SEMA6D: variants seen among roughly 807,000 people sequenced by gnomAD.
The protein encoded by SEMA6D is semaphorin-6D.
SEMA6D carries 35 observed loss-of-function variants against 106.6 expected under a neutral mutation model. The ratio of observed to expected loss-of-function variants is 0.33; its 90% CI spans 0.25 to 0.44. The LOEUF (loss-of-function observed/expected upper bound fraction) is 0.44. Ranked by LOEUF, SEMA6D falls within the 20% of genes least tolerant of loss-of-function variation. The pLI is 1.00. For missense variants in SEMA6D, 1,185 were observed against 1,345.9 expected (o/e 0.88, Z 1.87); for synonymous variants, 499 against 487.7 (o/e 1.02, Z -0.31).
intron 1 of SEMA6D, among the ~76,000 whole-genome samples, chr15:47,751,561 T>C (rs546157708): frequency 2.5e-4 from 38 of 152,140 alleles, no homozygotes; most frequent in Non-Finnish European, 5.1e-4. Flanking sequence ...CCACCCCCTC[T>C]TCTTCCTTTA....
At chr15:47,650,822 C>G (rs139497916) in intron 4 of SEMA6D, among the ~76,000 whole-genome samples, 1,607 of 152,232 alleles carry the variant, frequency 0.011, 18 homozygotes, top group South Asian at 0.045. Flanking sequence ...TCATACTACC[C>G]CACTGAGAAA....
chr15:47,381,406 A>G (rs1477804689), intron 1 of SEMA6D, among the ~76,000 whole-genome samples: 1 of 152,174 alleles, frequency 6.6e-6, no homozygotes, highest in East Asian at 1.9e-4. Context: ...AATCTATGGG[A>G]TCTTTCTTAC....
chr15:47,189,713 C>G (rs1268935018), intron 1 of SEMA6D, among the ~76,000 whole-genome samples: 1 of 152,128 alleles, frequency 6.6e-6, no homozygotes, highest in African/African-American at 2.4e-5. Context: ...AAAATAGCTT[C>G]AAGTCTAAAA....
At chr15:47,395,773 CG>C (rs2040194405) in intron 1 of SEMA6D, 1 of 152,208 alleles carries the variant, frequency 6.6e-6, no homozygotes, top group Non-Finnish European at 1.5e-5. Flanking sequence ...GCAGTAGGTT[CG>C]TATACCTAGC....
chr15:47,494,722 A>G (rs1170577322), intron 3 of SEMA6D, among the ~76,000 whole-genome samples: 3 of 131,960 alleles, frequency 2.3e-5, no homozygotes, highest in Admixed American at 7.8e-5. Flanking sequence ...ACATTTAAAA[A>G]TCTGGAGAGT....
intron 1 of SEMA6D, among the ~76,000 whole-genome samples, chr15:47,224,714 A>G (rs2031505278): frequency 6.6e-6 from 1 of 152,096 alleles, no homozygotes; most frequent in African/African-American, 2.4e-5. Flanking sequence ...CTTCACATCA[A>G]TGACAGTTAT....
intron 3 of SEMA6D, among the ~76,000 whole-genome samples, chr15:47,531,540 T>C (rs1304314021): frequency 6.6e-6 from 1 of 152,268 alleles, no homozygotes; most frequent in East Asian, 1.9e-4. Flanking sequence ...AGGCACTGTA[T>C]ATATGTGGAT....
intron 3 of SEMA6D, among the ~76,000 whole-genome samples, chr15:47,569,918 G>A (rs1465101476): frequency 4.6e-5 from 7 of 151,814 alleles, no homozygotes; most frequent in African/African-American, 9.7e-5. Context: ...AAAATTAGAC[G>A]GGCGTGGTGG....
intron 1 of SEMA6D, among the ~76,000 whole-genome samples, chr15:47,370,467 A>C (rs1365040729): frequency 6.6e-6 from 1 of 152,222 alleles, no homozygotes; most frequent in East Asian, 1.9e-4. Context: ...GTGAGCCGAC[A>C]TCGAGCCACT....
chr15:47,347,331 C>A (rs1176724570), intron 1 of SEMA6D, among the ~76,000 whole-genome samples: 2 of 152,198 alleles, frequency 1.3e-5, no homozygotes, highest in Admixed American at 6.5e-5. Context: ...ATACTTCCAA[C>A]AAATGGACAC....
intron 1 of SEMA6D, among the ~76,000 whole-genome samples, chr15:47,401,425 A>G (rs1485561898): frequency 6.6e-6 from 1 of 152,188 alleles, no homozygotes; most frequent in Non-Finnish European, 1.5e-5. Flanking sequence ...TGGGATTTAA[A>G]GAGCTCTTTA....
At chr15:47,725,382 A>G (rs1007260082) in intron 1 of SEMA6D, among the ~76,000 whole-genome samples, 2 of 152,166 alleles carry the variant, frequency 1.3e-5, no homozygotes, top group African/African-American at 4.8e-5. Context: ...AGCTATGACA[A>G]CCTTTTCCTA....
chr15:47,349,677 G>A (rs969462112), intron 1 of SEMA6D, among the ~76,000 whole-genome samples: 1 of 152,076 alleles, frequency 6.6e-6, no homozygotes, highest in Non-Finnish European at 1.5e-5. Flanking sequence ...AAAAGAAAGT[G>A]GAATTGAGAT....
intron 4 of SEMA6D, among the ~76,000 whole-genome samples, chr15:47,709,867 A>G (rs1398853446): frequency 1.3e-5 from 2 of 151,012 alleles, no homozygotes; most frequent in East Asian, 1.9e-4. Flanking sequence ...TTCTTCTTCA[A>G]CATAAAAACT....
intron 3 of SEMA6D, among the ~76,000 whole-genome samples, chr15:47,533,853 G>T (rs181498108): frequency 2.0e-5 from 3 of 152,162 alleles, no homozygotes; most frequent in Admixed American, 2.0e-4. Flanking sequence ...TGCAACTCAC[G>T]CTGAATGTGC....
intron 1 of SEMA6D, among the ~76,000 whole-genome samples, chr15:47,298,511 C>A (rs2035893264): frequency 6.6e-6 from 1 of 152,166 alleles, no homozygotes; most frequent in Non-Finnish European, 1.5e-5. Flanking sequence ...GACTTAATGA[C>A]TGAATTGTGT....
At chr15:47,238,947 C>G (rs963212971) in intron 1 of SEMA6D, among the ~76,000 whole-genome samples, 11 of 152,180 alleles carry the variant, frequency 7.2e-5, no homozygotes, top group African/African-American at 2.7e-4. Flanking sequence ...TCACATTCTT[C>G]AGTACAGCGA....
intron 1 of SEMA6D, among the ~76,000 whole-genome samples, chr15:47,301,056 G>T (rs567776239): frequency 6.6e-6 from 1 of 152,256 alleles, no homozygotes; most frequent in Non-Finnish European, 1.5e-5. Context: ...TGTGGGTATA[G>T]AATGTGGCTG....
At chr15:47,473,154 G>A (rs895498722) in intron 3 of SEMA6D, among the ~76,000 whole-genome samples, 4 of 152,144 alleles carry the variant, frequency 2.6e-5, no homozygotes, top group African/African-American at 9.7e-5. Context: ...TAGATGAGAG[G>A]AGGAGGCAGA....
Sources: gnomAD v4.1 joint callset for allele counts (sites outside exome capture counted in the v4.1 genomes callset) on GRCh38, gnomAD v4.1.1 for gene constraint, MANE v1.5 for transcripts, NCBI Gene and HGNC (gene_info 2026-07-23, HGNC 2026-07-21) for gene names.